ME3: variants seen among roughly 807,000 people sequenced by gnomAD.
ME3 encodes NADP-dependent malic enzyme, mitochondrial.
In ME3, 48 loss-of-function variants were observed where a neutral mutation model predicts 68.9. That is an observed-to-expected ratio of 0.70 (90% CI 0.55 to 0.89). The LOEUF (loss-of-function observed/expected upper bound fraction) is 0.89, where lower values mean the gene tolerates loss of function less well. ME3 is among the 40% of genes least tolerant of loss of function. ME3 has a pLI of 0.00. For synonymous variants in ME3, 320 were observed against 318.8 expected, an observed-to-expected ratio of 1.00 and a Z score of -0.04; for missense variants, 675 against 797.4, an observed-to-expected ratio of 0.85 and a Z score of 1.85.
intron 7 of ME3, among the ~76,000 whole-genome samples, chr11:86,473,790 G>A (rs1201375258): frequency 6.6e-6 from 1 of 152,172 alleles, no homozygotes; most frequent in African/African-American, 2.4e-5. Flanking sequence ...TGAAAAAACT[G>A]GATACCGTGG....
rs80086623 is a variant in ME3, at chr11:86,620,688, G to C, written c.183+51074C>G. On this transcript the variant is annotated intron_variant, in intron 2 of 14. Coordinates refer to ENST00000543262, the Ensembl canonical transcript of ME3. ...GCACATTTGTTCTGCAGCTTACAAA[G>C]GGGATACCTTTATGCCTTCAAGAAG... 4.9e-3 allele frequency among the ~76,000 whole-genome samples: 743 copies of C among 152,312 alleles called. 8 individuals carry two copies. Among genetic ancestry groups the C allele is most frequent in the African/African-American group, 0.017 (725 of 41,552 alleles).
intron 13 of ME3, among the ~76,000 whole-genome samples, chr11:86,443,827 T>G (rs754967921): frequency 6.6e-6 from 1 of 152,234 alleles, no homozygotes; most frequent in Non-Finnish European, 1.5e-5. Flanking sequence ...CTCTACTATA[T>G]CTTTCAAAAC....
intron 4 of ME3, among the ~76,000 whole-genome samples, chr11:86,529,055 A>G (rs1260620138): frequency 6.6e-6 from 1 of 152,216 alleles, no homozygotes; most frequent in East Asian, 1.9e-4. Context: ...TCAAAAAATC[A>G]ATGAATCCAA....
At chr11:86,528,740 C>T (rs192767911) in intron 4 of ME3, among the ~76,000 whole-genome samples, 145 of 151,736 alleles carry the variant, frequency 9.6e-4, no homozygotes, top group Middle Eastern at 3.4e-3. Context: ...ACTGAACAAA[C>T]TGCTCCTGAA....
chr11:86,608,270 T>C (rs1045361686), intron 2 of ME3, among the ~76,000 whole-genome samples: 2 of 152,144 alleles, frequency 1.3e-5, no homozygotes, highest in African/African-American at 4.8e-5. Flanking sequence ...AGCCAAGAAA[T>C]ACTGCCGTGT....
At chr11:86,612,445 G>A (rs1005251864) in intron 2 of ME3, among the ~76,000 whole-genome samples, 1 of 152,152 alleles carries the variant, frequency 6.6e-6, no homozygotes, top group Non-Finnish European at 1.5e-5. Flanking sequence ...GGATTGCTGG[G>A]TCAAATGGTA....
intron 2 of ME3, among the ~76,000 whole-genome samples, chr11:86,590,992 A>T (rs767771126): frequency 6.6e-6 from 1 of 152,188 alleles, no homozygotes; most frequent in African/African-American, 2.4e-5. Context: ...AAAGCAAGAT[A>T]CTATTCCTTC....
intron 6 of ME3, among the ~76,000 whole-genome samples, chr11:86,494,028 G>A (rs2138985015): frequency 6.7e-6 from 1 of 148,460 alleles, no homozygotes; most frequent in Admixed American, 6.8e-5. Context: ...CTTCTGGGGG[G>A]AATATCTTGC....
At chr11:86,533,501 C>T (rs1955410921) in intron 4 of ME3, among the ~76,000 whole-genome samples, 2 of 152,084 alleles carry the variant, frequency 1.3e-5, no homozygotes, top group Admixed American at 6.6e-5. Flanking sequence ...AATCAGTGAT[C>T]AAAAGTCAAC....
At chr11:86,638,760 C>T (rs947076019) in intron 2 of ME3, among the ~76,000 whole-genome samples, 2 of 152,194 alleles carry the variant, frequency 1.3e-5, no homozygotes, top group Admixed American at 1.3e-4. Context: ...CTACAGATAG[C>T]AAACTTCAGG....
intron 8 of ME3, among the ~76,000 whole-genome samples, chr11:86,455,295 A>G (rs1040606376): frequency 6.6e-6 from 1 of 152,254 alleles, no homozygotes; most frequent in African/African-American, 2.4e-5. Flanking sequence ...CTTGGGCACA[A>G]AACAGTAGAA....
chr11:86,440,207 A>G (rs534389931), downstream of ME3, among the ~76,000 whole-genome samples: 2 of 152,196 alleles, frequency 1.3e-5, no homozygotes, highest in African/African-American at 4.8e-5. Context: ...TGATTATACA[A>G]TGAAATTAGA....
At chr11:86,456,642 C>G (rs757056491) in intron 8 of ME3, among the ~76,000 whole-genome samples, 2 of 151,898 alleles carry the variant, frequency 1.3e-5, no homozygotes, top group Non-Finnish European at 2.9e-5. Context: ...TGGGGAAGGA[C>G]GGAGCAGGGT....
intron 7 of ME3, among the ~76,000 whole-genome samples, chr11:86,472,455 T>G (rs940518510): frequency 2.0e-5 from 3 of 152,054 alleles, no homozygotes; most frequent in African/African-American, 7.2e-5. Flanking sequence ...CAGTGAGAGA[T>G]TGTGAAGTCC....
At chr11:86,590,674 C>T (rs897159739) in intron 2 of ME3, among the ~76,000 whole-genome samples, 4 of 152,116 alleles carry the variant, frequency 2.6e-5, no homozygotes, top group South Asian at 2.1e-4. Context: ...AGGGGTAGGT[C>T]AGACCAGAAT....
chr11:86,603,165 T>C (rs1961002181), intron 2 of ME3, among the ~76,000 whole-genome samples: 2 of 152,122 alleles, frequency 1.3e-5, no homozygotes, highest in Admixed American at 1.3e-4. Flanking sequence ...ACAGGCAGCC[T>C]ACAAAATGGG....
At chr11:86,443,388 GA>G (rs1209474092) in intron 13 of ME3, among the ~76,000 whole-genome samples, 1 of 152,204 alleles carries the variant, frequency 6.6e-6, no homozygotes, top group East Asian at 1.9e-4. Flanking sequence ...TCAGTCTGAG[GA>G]AGGCCTCTCC....
intron 5 of ME3, among the ~76,000 whole-genome samples, chr11:86,505,957 C>T (rs1953045416): frequency 1.3e-5 from 2 of 152,188 alleles, no homozygotes; most frequent in South Asian, 4.1e-4. Flanking sequence ...CTGGGGTCCT[C>T]TCTTTGGCAG....
intron 2 of ME3, among the ~76,000 whole-genome samples, chr11:86,636,363 A>G (rs7940187): frequency 0.094 from 14,248 of 152,098 alleles, 693 homozygotes; most frequent in South Asian, 0.13. Flanking sequence ...TGTCTGTGAA[A>G]TGCTTTTAGG....
Sources: gnomAD v4.1 joint callset for allele counts (sites outside exome capture counted in the v4.1 genomes callset) on GRCh38, gnomAD v4.1.1 for gene constraint, MANE v1.5 for transcripts, NCBI Gene and HGNC (gene_info 2026-07-23, HGNC 2026-07-21) for gene names.